DCC: variants seen among roughly 807,000 people sequenced by gnomAD.
DCC encodes netrin receptor DCC.
Under a neutral mutation model 172.5 loss-of-function variants are expected in DCC, and 58 were observed. The ratio of observed to expected loss-of-function variants is 0.34; its 90% CI spans 0.27 to 0.42. The LOEUF is 0.42. Ranked by LOEUF, DCC falls within the 10% of genes least tolerant of loss-of-function variation. DCC has a pLI of 1.00. For synonymous variants in DCC, 709 were observed against 644.5 expected, an observed-to-expected ratio of 1.10 and a Z score of -1.52; for missense variants, 1,740 against 1,791.0, an observed-to-expected ratio of 0.97 and a Z score of 0.51.
At chr18:53,310,127 G>A (rs1599010326) in intron 13 of DCC, among the ~76,000 whole-genome samples, 1 of 151,882 alleles carries the variant, frequency 6.6e-6, no homozygotes, top group Non-Finnish European at 1.5e-5. Flanking sequence ...TGCATTGCTA[G>A]ATATTATGGG....
chr18:52,982,783 C>G (rs1467665714), intron 5 of DCC, among the ~76,000 whole-genome samples: 3 of 152,142 alleles, frequency 2.0e-5, no homozygotes, highest in Non-Finnish European at 4.4e-5. Context: ...GATAATTTCC[C>G]TTCTTGATGG....
intron 9 of DCC, among the ~76,000 whole-genome samples, chr18:53,186,201 C>T (rs781221444): frequency 6.6e-6 from 1 of 152,076 alleles, no homozygotes; most frequent in African/African-American, 2.4e-5. Context: ...AGAAAGAAAG[C>T]TAACTTCTCA....
At chr18:52,415,369 A>C (rs2144413994) in intron 1 of DCC, among the ~76,000 whole-genome samples, 1 of 152,318 alleles carries the variant, frequency 6.6e-6, no homozygotes, top group African/African-American at 2.4e-5. Flanking sequence ...ATATGTTCTA[A>C]GCCTGAAGGG....
chr18:52,932,433 A>C (rs2040319961), intron 5 of DCC, among the ~76,000 whole-genome samples: 1 of 152,152 alleles, frequency 6.6e-6, no homozygotes, highest in South Asian at 2.1e-4. Context: ...ATCTTTTACA[A>C]AGTGCCAGGC....
At chr18:53,369,685 G>T (rs1180582852) in intron 15 of DCC, among the ~76,000 whole-genome samples, 2 of 151,804 alleles carry the variant, frequency 1.3e-5, no homozygotes, top group Admixed American at 1.3e-4. Context: ...TACTGAAAGG[G>T]TGTTGAATTT....
At chr18:53,183,165 A>G (rs2055223443) in intron 9 of DCC, among the ~76,000 whole-genome samples, 1 of 152,186 alleles carries the variant, frequency 6.6e-6, no homozygotes, top group Non-Finnish European at 1.5e-5. Flanking sequence ...TGCAAAGAAT[A>G]AAACTGATGG....
At position 53,093,326 on chromosome 18, in the gene DCC, CTTAATA is replaced by C. The variant is rs1365151207; in HGVS notation, c.1261+27163_1261+27168del. 2.0e-5 allele frequency among the ~76,000 whole-genome samples: 3 copies of C among 152,216 alleles called. No individual in the cohort carries two copies. In the East Asian group the frequency reaches 5.8e-4, roughly 29 times the overall value. ...AAATAATAAAATGTGCTTACATAGA[CTTAATA>C]TTGATGATAAAAATTTTGAATAACA... On this transcript the variant is annotated intron_variant, in intron 7 of 28. Coordinates refer to ENST00000442544, the MANE Select transcript of DCC (RefSeq NM_005215.4).
At chr18:52,900,365 C>T (rs1943092) in intron 2 of DCC, among the ~76,000 whole-genome samples, 136,743 of 152,192 alleles carry the variant, frequency 0.9, 61,875 homozygotes, top group Middle Eastern at 0.97. Flanking sequence ...ATTAGTGTTA[C>T]AGAACAATGG....
intron 7 of DCC, among the ~76,000 whole-genome samples, chr18:53,151,641 AAAC>A (rs1370854393): frequency 6.7e-6 from 1 of 150,030 alleles, no homozygotes; most frequent in Non-Finnish European, 1.5e-5. Flanking sequence ...TGGCAATTAA[AAAC>A]AAATAAATAA....
chr18:52,437,338 C>A (rs577512884), intron 1 of DCC, among the ~76,000 whole-genome samples: 1 of 152,204 alleles, frequency 6.6e-6, no homozygotes, highest in African/African-American at 2.4e-5. Context: ...CACACTGGGG[C>A]TCTCCACAGG....
At chr18:52,595,093 A>G (rs570674824) in intron 1 of DCC, among the ~76,000 whole-genome samples, 1 of 152,338 alleles carries the variant, frequency 6.6e-6, no homozygotes, top group African/African-American at 2.4e-5. Context: ...CAATTCTCAT[A>G]CTGGATCATC....
chr18:53,141,990 A>G (rs1210442931), intron 7 of DCC, among the ~76,000 whole-genome samples: 1 of 152,184 alleles, frequency 6.6e-6, no homozygotes, highest in Non-Finnish European at 1.5e-5. Flanking sequence ...GGCTCTGCCT[A>G]AGTGCAAGCC....
intron 1 of DCC, among the ~76,000 whole-genome samples, chr18:52,479,257 A>G (rs1041520905): frequency 3.9e-5 from 6 of 152,158 alleles, no homozygotes; most frequent in East Asian, 1.9e-4. Context: ...GATGGATTTA[A>G]TCTATCTTTT....
Position 53,309,922 on chromosome 18 carries a change from G to GTATATATATATA in DCC, c.2053+4214_2053+4225dup, listed in dbSNP as rs5825006. ...ATTTACTGCAAACATATATGTGCGT[G>GTATATATATATA]TATATATATATATATATATATACAT... On this transcript the variant is annotated intron_variant, in intron 13 of 28. Transcript: ENST00000442544. Among the ~76,000 whole-genome samples the GTATATATATATA allele has an allele frequency of 1.4e-3, 170 of 123,504 alleles. 1 individual carries two copies. Among genetic ancestry groups the GTATATATATATA allele is most frequent in the African/African-American group, 5.5e-3 (164 of 29,636 alleles). The allele number at this position is 123,504 out of a possible 152,430, so 81.0% of individuals were successfully genotyped here.
intron 5 of DCC, among the ~76,000 whole-genome samples, chr18:52,961,943 A>T (rs1316688939): frequency 6.6e-6 from 1 of 152,236 alleles, no homozygotes; most frequent in Non-Finnish European, 1.5e-5. Context: ...CTTACAGCTT[A>T]TACAAACATT....
intron 1 of DCC, among the ~76,000 whole-genome samples, chr18:52,738,073 C>A (rs1367515093): frequency 1.3e-5 from 2 of 152,088 alleles, no homozygotes; most frequent in Admixed American, 6.6e-5. Context: ...ATACCATCCT[C>A]GGTTTTGCCT....
intron 21 of DCC, among the ~76,000 whole-genome samples, chr18:53,420,291 T>G (rs550029789): frequency 6.6e-6 from 1 of 152,208 alleles, no homozygotes; most frequent in Non-Finnish European, 1.5e-5. Flanking sequence ...CCTATATAGA[T>G]CTTCCTTTTC....
At chr18:52,985,018 TCC>T (rs2041269679) in intron 5 of DCC, among the ~76,000 whole-genome samples, 2 of 152,280 alleles carry the variant, frequency 1.3e-5, no homozygotes, top group East Asian at 3.9e-4. Context: ...CCACTTAATG[TCC>T]TATTATTAAA....
At chr18:52,404,431 T>C (rs1050221150) in intron 1 of DCC, among the ~76,000 whole-genome samples, 27 of 149,736 alleles carry the variant, frequency 1.8e-4, no homozygotes, top group African/African-American at 6.6e-4. Context: ...GCTGACTGTG[T>C]GCCTTCCTCC....
Sources: gnomAD v4.1 joint callset for allele counts (sites outside exome capture counted in the v4.1 genomes callset) on GRCh38, gnomAD v4.1.1 for gene constraint, MANE v1.5 for transcripts, NCBI Gene and HGNC (gene_info 2026-07-23, HGNC 2026-07-21) for gene names.